Variants in TENT5D observed in about 807,000 individuals in gnomAD.
The protein encoded by TENT5D is cancer/testis antigen 112.
For missense variants in TENT5D, 191 were observed against 287.0 expected (o/e 0.67, Z 2.42); for synonymous variants, 103 against 100.6 (o/e 1.02, Z -0.15).
intron 3 of TENT5D, among the ~76,000 whole-genome samples, chrX:80,386,849 C>T (rs1931023233): frequency 9.0e-6 from 1 of 111,415 alleles, no homozygotes; most frequent in Non-Finnish European, 1.9e-5. Flanking sequence ...TTTAGCTGTT[C>T]AATTCTTATG....
chrX:80,408,432 C>G (rs1420124089), intron 3 of TENT5D, among the ~76,000 whole-genome samples: 2 of 110,338 alleles, frequency 1.8e-5, no homozygotes, highest in Admixed American at 9.6e-5. Flanking sequence ...ACAGATCCCA[C>G]AGAAATACAA....
At chrX:80,376,434 T>C (rs914196596) in intron 3 of TENT5D, among the ~76,000 whole-genome samples, 3 of 111,845 alleles carry the variant, frequency 2.7e-5, no homozygotes, top group African/African-American at 9.7e-5. Context: ...TTCCTTTATG[T>C]ATTGTAGTAA....
At position 80,386,251 on chromosome X, in the gene TENT5D, G is replaced by T. The variant is rs1224084433; in HGVS notation, c.-142+43687G>T. On this transcript the variant is annotated intron_variant, in intron 3 of 4. Coordinates refer to the TENT5D transcript ENST00000538312. ...TGGAATACTATGCAGCCATAAAAAA[G>T]GATGAGTTCATGTCCTTTGTAGGGA... is the stretch of plus-strand genomic sequence containing the variant. 1.4e-4 allele frequency among the ~76,000 whole-genome samples: 16 copies of T among 111,944 alleles called. No homozygotes were observed. The Middle Eastern group carries it at 0.014, about 97-fold the overall frequency.
At chrX:80,395,838 C>T (rs374052234) in intron 3 of TENT5D, among the ~76,000 whole-genome samples, 1 of 105,243 alleles carries the variant, frequency 9.5e-6, no homozygotes, top group African/African-American at 3.5e-5. Flanking sequence ...CAAATCTCTC[C>T]CTATTCCTCA....
At chrX:80,439,978 T>C (rs1451410154) in intron 2 of TENT5D, among the ~76,000 whole-genome samples, 2 of 111,035 alleles carry the variant, frequency 1.8e-5, no homozygotes, top group Non-Finnish European at 3.8e-5. Flanking sequence ...CAAGCTTTCA[T>C]AGTTATGGCT....
rs373899882 is a variant in TENT5D, at chrX:80,435,005, G to A, written c.-141-3605G>A. ...TCACTGTGTTAGCCAGGATAGTCTC[G>A]ATCTCCTGACCTCATGATCCGCCCG... On this transcript the variant is annotated intron_variant, in intron 1 of 2. Transcript: ENST00000308293. Among the ~76,000 whole-genome samples the A allele has an allele frequency of 2.7e-4, 30 of 109,580 alleles. No homozygotes were observed. The South Asian group carries it at 0.01, about 37-fold the overall frequency.
intron 3 of TENT5D, among the ~76,000 whole-genome samples, chrX:80,398,939 G>T (rs1009550710): frequency 1.8e-5 from 2 of 111,412 alleles, no homozygotes; most frequent in Admixed American, 9.5e-5. Flanking sequence ...CATACTACCA[G>T]ACCTTACTCA....
At chrX:80,336,542 T>C (rs1013556111) in intron 2 of TENT5D, among the ~76,000 whole-genome samples, 1 of 109,592 alleles carries the variant, frequency 9.1e-6, no homozygotes, top group African/African-American at 3.3e-5. Context: ...GATCAGTTTC[T>C]ATACTAGATA....
At chrX:80,394,096 T>C (rs1043173679) in intron 3 of TENT5D, among the ~76,000 whole-genome samples, 1 of 111,602 alleles carries the variant, frequency 9.0e-6, no homozygotes, top group African/African-American at 3.3e-5. Flanking sequence ...CTGGATCATG[T>C]GTTAATCCTA....
chrX:80,413,887 A>G (rs770258714), intron 3 of TENT5D, among the ~76,000 whole-genome samples: 1 of 112,789 alleles, frequency 8.9e-6, no homozygotes, highest in Admixed American at 9.4e-5. Flanking sequence ...AGAAACAAGC[A>G]AACAACAAAA....
chrX:80,376,140 T>A (rs1930721932), intron 3 of TENT5D, among the ~76,000 whole-genome samples: 1 of 110,959 alleles, frequency 9.0e-6, no homozygotes, highest in Admixed American at 9.6e-5. Flanking sequence ...CTTGTAGTAA[T>A]TAACGTTTAT....
At chrX:80,370,809 A>G (rs1007537261) in intron 3 of TENT5D, among the ~76,000 whole-genome samples, 1 of 111,950 alleles carries the variant, frequency 8.9e-6, no homozygotes, top group Non-Finnish European at 1.9e-5. Flanking sequence ...TGTTACTTCT[A>G]GGACTTGAGG....
chrX:80,431,564 A>G (rs1273539908), intron 1 of TENT5D, among the ~76,000 whole-genome samples: 2 of 112,221 alleles, frequency 1.8e-5, no homozygotes, highest in Non-Finnish European at 3.8e-5. Context: ...ACAATTTACA[A>G]AAGGAAGAGG....
intron 3 of TENT5D, among the ~76,000 whole-genome samples, chrX:80,404,083 G>A (rs918095583): frequency 1.8e-5 from 2 of 111,417 alleles, no homozygotes; most frequent in African/African-American, 6.5e-5. Flanking sequence ...GCCTTCCACT[G>A]AATACACAAT....
intron 3 of TENT5D, among the ~76,000 whole-genome samples, chrX:80,378,252 C>A (rs112950748): frequency 0.01 from 1,151 of 111,481 alleles, 24 homozygotes; most frequent in African/African-American, 0.036. Context: ...TAGATCCAAT[C>A]TGTCAATTTT....
intron 3 of TENT5D, among the ~76,000 whole-genome samples, chrX:80,392,602 C>T (rs1448929824): frequency 2.1e-4 from 21 of 98,499 alleles, no homozygotes; most frequent in African/African-American, 6.9e-4. Context: ...CTGCAAGCTC[C>T]GCTTCCCGGG....
At chrX:80,352,416 T>C (rs1390262035) in intron 3 of TENT5D, among the ~76,000 whole-genome samples, 1 of 111,440 alleles carries the variant, frequency 9.0e-6, no homozygotes, top group African/African-American at 3.3e-5. Flanking sequence ...CCACGCTTTG[T>C]TGAGTTCTGC....
intron 3 of TENT5D, among the ~76,000 whole-genome samples, chrX:80,358,531 C>T (rs1038178693): frequency 8.9e-6 from 1 of 112,194 alleles, no homozygotes; most frequent in African/African-American, 3.2e-5. Flanking sequence ...TTTATTATAA[C>T]CAAGAGTTTA....
At chrX:80,427,313 T>C (rs994648240) in intron 1 of TENT5D, among the ~76,000 whole-genome samples, 1 of 111,741 alleles carries the variant, frequency 8.9e-6, no homozygotes, top group African/African-American at 3.3e-5. Context: ...CCCCAGACCT[T>C]ACCCATTGTG....
Sources: allele counts gnomAD v4.1 joint callset (sites outside exome capture counted in the v4.1 genomes callset), GRCh38; gene constraint gnomAD v4.1.1; transcripts MANE v1.5; gene names NCBI Gene and HGNC (gene_info 2026-07-23, HGNC 2026-07-21).